RNF19A: variants seen among roughly 807,000 people sequenced by gnomAD.
The protein encoded by RNF19A is ring finger protein 19A, RBR E3 ubiquitin protein ligase.
A neutral mutation model predicts 75.7 loss-of-function variants in RNF19A; 32 were observed. The ratio of observed to expected loss-of-function variants is 0.42; its 90% CI spans 0.32 to 0.57. RNF19A has a LOEUF of 0.57. Ranked by LOEUF, RNF19A falls within the 20% of genes least tolerant of loss-of-function variation. The probability of loss-of-function intolerance (pLI) is 0.10; values close to 1 mark genes in which losing one functional copy is unlikely to be tolerated. For missense variants in RNF19A, 782 were observed against 1,036.3 expected (o/e 0.75, Z 3.37); for synonymous variants, 335 against 345.2 (o/e 0.97, Z 0.33).
chr8:100,270,993 T>C (rs1227903238), intron 3 of RNF19A, among the ~76,000 whole-genome samples: 1 of 152,126 alleles, frequency 6.6e-6, no homozygotes, highest in East Asian at 1.9e-4. Context: ...TAAGAAAAGA[T>C]ATTTATAGTG....
At chr8:100,293,047 T>C (rs1177584884) in intron 1 of RNF19A, among the ~76,000 whole-genome samples, 1 of 152,166 alleles carries the variant, frequency 6.6e-6, no homozygotes, top group African/African-American at 2.4e-5. Flanking sequence ...GCCATCTAGA[T>C]CCCTCGAGTG....
chr8:100,259,838 A>C lies in RNF19A; in HGVS notation c.1826+16T>G. The C allele has an allele frequency of 1.9e-6, 3 of 1,594,898 alleles. No individual in the cohort carries two copies. Among genetic ancestry groups the C allele is most frequent in the Non-Finnish European group, 2.6e-6 (3 of 1,170,510 alleles). On this transcript the variant is annotated intron_variant, in intron 9 of 9. Coordinates refer to ENST00000341084, the MANE Select transcript of RNF19A (RefSeq NM_183419.4). This position sits in a 1 kb window ranked among gnomAD's most constrained non-coding sequence, Gnocchi z 4.5. Reference sequence around the variant, plus strand: ...TTTAAAAAATACTTTCAATTTTTTAACAGTTTTTTCCTTACTTGTCCAATG... The same window carrying C: ...TTTAAAAAATACTTTCAATTTTTTACCAGTTTTTTCCTTACTTGTCCAATG...
rs139192508 is a variant in RNF19A, at chr8:100,259,192, G to A, written c.1881C>T (p.Phe627=). The change falls in exon 10 of 10, where the codon TTC becomes TTT. Residue 627 remains phenylalanine, a synonymous_variant. Coordinates refer to ENST00000341084, the MANE Select transcript of RNF19A (RefSeq NM_183419.4). The surrounding 1 kb of genome is among the most constrained non-coding windows in gnomAD (Gnocchi z 4.5). The part of the protein sequence containing the change: ...QVDIESKPSK[F]RHNSGSSSVD... ...CACTACTGCTTCCACTGTTGTGCCT[G>A]AATTTGGATGGCTTTGACTCAATAT... is the stretch of plus-strand genomic sequence containing the variant. The A allele has an allele frequency of 2.7e-5, 44 of 1,613,924 alleles. 1 individual carries two copies. In the African/African-American group the frequency reaches 4.8e-4, roughly 18 times the overall value.
chr8:100,268,742 A>T, intron 5 of RNF19A, 43 bp downstream of exon 5: 1 of 1,303,166 alleles, frequency 7.7e-7, no homozygotes, highest in Non-Finnish European at 1.0e-6. Flanking sequence ...ACACCTAAAG[A>T]TTTAGAATAA....
At chr8:100,274,075 G>A (rs1041076066) in intron 3 of RNF19A, among the ~76,000 whole-genome samples, 1 of 152,052 alleles carries the variant, frequency 6.6e-6, no homozygotes, top group Non-Finnish European at 1.5e-5. Flanking sequence ...ATGAGCCACC[G>A]TGACTGGCCA....
At position 100,258,535 on chromosome 8, in the gene RNF19A, T is replaced by C. The variant is rs765779046; in HGVS notation, c.*21A>G. On this transcript the variant is annotated 3_prime_UTR_variant, in exon 10 of 10. Transcript: ENST00000341084. The surrounding 1 kb of genome is among the most constrained non-coding windows in gnomAD (Gnocchi z 4.3). ...CCAAACACGGTTGTACAGTGGTAAT[T>C]ATTCTGCAGCATTTATGGGCCTAAA... 1 of 1,575,300 alleles carries C rather than the reference T, an allele frequency of 6.3e-7. No homozygotes were observed. Among genetic ancestry groups the C allele is most frequent in the Admixed American group, 1.7e-5 (1 of 57,638 alleles).
At chr8:100,280,700 A>G (rs1205802370) in intron 2 of RNF19A, among the ~76,000 whole-genome samples, 1 of 152,196 alleles carries the variant, frequency 6.6e-6, no homozygotes, top group Admixed American at 6.5e-5. Context: ...AGTGCTTCCT[A>G]TGTAGGTGTT....
intron 1 of RNF19A, among the ~76,000 whole-genome samples, chr8:100,292,435 G>GGGGGGGT (rs137938989): frequency 9.6e-5 from 14 of 145,332 alleles, no homozygotes; most frequent in African/African-American, 3.1e-4. Flanking sequence ...CTATCATATG[G>GGGGGGGT]GTGTGTGTGT....
chr8:100,286,443 T>G (rs1220802143), intron 2 of RNF19A, among the ~76,000 whole-genome samples: 2 of 152,228 alleles, frequency 1.3e-5, no homozygotes, highest in Admixed American at 1.3e-4. Context: ...AATTAGGTAA[T>G]TTTTGAATGT....
Position 100,287,929 on chromosome 8 carries a change from C to T in RNF19A, c.246G>A (p.Arg82=). The T allele has an allele frequency of 6.2e-7, 1 of 1,614,120 alleles. No individual in the cohort carries two copies. Among genetic ancestry groups the T allele is most frequent in the Non-Finnish European group, 8.5e-7 (1 of 1,180,020 alleles). Reference sequence around the variant, plus strand: ...TTCCATCCACCCCGCCATTTAGCTCCCTTGATTTACGTTTGTTATCTTTTT... The same window carrying T: ...TTCCATCCACCCCGCCATTTAGCTCTCTTGATTTACGTTTGTTATCTTTTT... ...RRKKDNKRKS[R]ELNGGVDGIA... is the part of the protein sequence containing the mutation. The change falls in exon 2 of 10, where the codon AGG becomes AGA. Residue 82 remains arginine, a synonymous_variant. Coordinates refer to ENST00000341084, the MANE Select transcript of RNF19A (RefSeq NM_183419.4). This position sits in a 1 kb window ranked among gnomAD's most constrained non-coding sequence, Gnocchi z 4.1.
At position 100,301,343 on chromosome 8, in the gene RNF19A, A is replaced by G. The variant is rs1439865209; in HGVS notation, c.-94+8524T>C. 2.6e-5 allele frequency among the ~76,000 whole-genome samples: 4 copies of G among 152,144 alleles called. No individual in the cohort carries two copies. The East Asian group carries it at 7.7e-4, about 29-fold the overall frequency. ...TGCCTAGACTAGGCCTTCATTAATC[A>G]CCTGGTATCCAAATTACCACATTAT... On this transcript the variant is annotated intron_variant, in intron 1 of 9. Coordinates refer to ENST00000341084, the MANE Select transcript of RNF19A (RefSeq NM_183419.4).
chr8:100,275,262 A>C lies in RNF19A; in HGVS notation c.675-101T>G. On this transcript the variant is annotated intron_variant, in intron 2 of 9. Coordinates refer to ENST00000341084, the MANE Select transcript of RNF19A (RefSeq NM_183419.4). This position sits in a 1 kb window ranked among gnomAD's most constrained non-coding sequence, Gnocchi z 4.3. ...AGATTATTCCTGAAAAACATTTTCT[A>C]TTTATACATTAGCAAACAGTCATAA... 1.0e-6 allele frequency: 1 copy of C among 956,422 alleles called. No homozygotes were observed. Among genetic ancestry groups the C allele is most frequent in the Admixed American group, 2.3e-5 (1 of 44,120 alleles). 59.2% of individuals were successfully genotyped at this position (956,422 alleles called of 1,614,324 possible).
In RNF19A at chr8:100,322,879, G is replaced by A. The variant is rs1312502957; in HGVS notation, c.-242-9507C>T. ...ACATTTATTAAGTTCACTGTCTTCA[G>A]TGGGAGTGGTTCATGGCACTTCAAA... On this transcript the variant is annotated intron_variant, in intron 1 of 3. Coordinates refer to the RNF19A transcript ENST00000519527. This position sits in a 1 kb window ranked among gnomAD's most constrained non-coding sequence, Gnocchi z 5.1. Among the ~76,000 whole-genome samples the A allele has an allele frequency of 5.3e-5, 8 of 152,148 alleles. No homozygotes were observed. Among genetic ancestry groups the A allele is most frequent in the Admixed American group, 5.2e-4 (8 of 15,270 alleles).
At chr8:100,286,731 C>T (rs1821038739) in intron 2 of RNF19A, among the ~76,000 whole-genome samples, 1 of 152,138 alleles carries the variant, frequency 6.6e-6, no homozygotes, top group African/African-American at 2.4e-5. Flanking sequence ...TTCCCCAAAC[C>T]TTACTTATAA....
chr8:100,313,756 A>T (rs536451811), upstream of RNF19A, among the ~76,000 whole-genome samples: 1 of 152,322 alleles, frequency 6.6e-6, no homozygotes, highest in East Asian at 1.9e-4. Context: ...CAGGAATCCA[A>T]TAAAGATGTC....
rs927928909 is a variant in RNF19A at position 100,324,190 on chromosome 8, T to A, written c.-242-10818A>T. Among the ~76,000 whole-genome samples, 2 of 152,226 alleles carry A rather than the reference T, an allele frequency of 1.3e-5. No individual in the cohort carries two copies. Among genetic ancestry groups the A allele is most frequent in the Non-Finnish European group, 2.9e-5 (2 of 68,040 alleles). ...CCCAATCTAGATTTATAAAGTTAGT[T>A]CCATAGATCACATGAGCCCTTTTAA... On this transcript the variant is annotated intron_variant, in intron 1 of 3. Coordinates refer to the RNF19A transcript ENST00000519527. The surrounding 1 kb of genome is among the most constrained non-coding windows in gnomAD (Gnocchi z 4.2).
At chr8:100,328,177 C>T (rs1822563396) in intron 1 of RNF19A, among the ~76,000 whole-genome samples, 1 of 152,176 alleles carries the variant, frequency 6.6e-6, no homozygotes, top group African/African-American at 2.4e-5. Flanking sequence ...AAGACTCCAC[C>T]TTCTGCCACA....
chr8:100,334,645 A>G (rs1363017848), intron 1 of RNF19A, among the ~76,000 whole-genome samples: 1 of 152,114 alleles, frequency 6.6e-6, no homozygotes, highest in Non-Finnish European at 1.5e-5. Flanking sequence ...CAGCATTGGT[A>G]TGTTTTCTAA....
upstream of RNF19A, chr8:100,310,355 G>A (rs930437143): frequency 1.7e-6 from 1 of 595,150 alleles, no homozygotes; most frequent in Non-Finnish European, 2.1e-6. Flanking sequence ...AGGGGACTTC[G>A]CCTCGAGCGC....
Sources: allele counts gnomAD v4.1 joint callset (sites outside exome capture counted in the v4.1 genomes callset), GRCh38; gene constraint gnomAD v4.1.1; non-coding constraint Gnocchi (gnomAD v3.1); transcripts MANE v1.5; gene names NCBI Gene and HGNC (gene_info 2026-07-23, HGNC 2026-07-21).